Variants in ACOT13 observed in about 807,000 individuals in gnomAD.
ACOT13 encodes the protein acyl-coenzyme A thioesterase 13.
In ACOT13, 10 loss-of-function variants were observed where a neutral mutation model predicts 11.8. That is an observed-to-expected ratio of 0.85 (90% CI 0.53 to 1.44). The LOEUF (loss-of-function observed/expected upper bound fraction) is 1.44, where lower values mean the gene tolerates loss of function less well. Among genes scored for constraint, ACOT13 ranks in the 40% most tolerant of loss-of-function variants. The pLI is 0.00. For missense variants in ACOT13, 172 were observed against 174.1 expected (o/e 0.99, Z 0.07); for synonymous variants, 53 against 61.0 (o/e 0.87, Z 0.61).
At position 24,691,189 on chromosome 6, in the gene ACOT13, T is replaced by C. The variant is rs1283586244; in HGVS notation, c.82-6694T>C. ...TGAAGCCACTAAATATTGGGCATAT[T>C]GTTATAGAATGCTCCTTGTTGACCT... On this transcript the variant is annotated intron_variant, in intron 1 of 2. Coordinates refer to ENST00000230048, the MANE Select transcript of ACOT13 (RefSeq NM_018473.4). 2.0e-5 allele frequency among the ~76,000 whole-genome samples: 3 copies of C among 152,220 alleles called. No homozygotes were observed. The East Asian group carries it at 5.8e-4, about 29-fold the overall frequency.
intron 1 of ACOT13, among the ~76,000 whole-genome samples, chr6:24,695,091 C>T (rs912060200): frequency 1.1e-4 from 16 of 152,070 alleles, no homozygotes; most frequent in Non-Finnish European, 2.1e-4. Context: ...GGTGGATCAC[C>T]TGAGGTCAAG....
chr6:24,674,299 G>C (rs906598449), intron 1 of ACOT13, among the ~76,000 whole-genome samples: 1 of 152,216 alleles, frequency 6.6e-6, no homozygotes, highest in African/African-American at 2.4e-5. Flanking sequence ...CAAGTGATCT[G>C]CATGCCACGG....
intron 1 of ACOT13, among the ~76,000 whole-genome samples, chr6:24,688,002 C>T (rs747337502): frequency 5.3e-5 from 8 of 151,758 alleles, no homozygotes; most frequent in Non-Finnish European, 7.4e-5. Flanking sequence ...TGTGAGCCAC[C>T]GCACCCAGCC....
intron 1 of ACOT13, among the ~76,000 whole-genome samples, chr6:24,686,822 C>T (rs549171353): frequency 1.4e-4 from 21 of 152,232 alleles, no homozygotes; most frequent in African/African-American, 4.8e-4. Flanking sequence ...TTGTCTCAGC[C>T]TCCCATGTAG....
At chr6:24,683,552 A>G (rs1043162394) in intron 1 of ACOT13, among the ~76,000 whole-genome samples, 1 of 151,374 alleles carries the variant, frequency 6.6e-6, no homozygotes, top group South Asian at 2.1e-4. Flanking sequence ...AAAAAAATTA[A>G]GTTTATTTTG....
chr6:24,679,267 T>C (rs1368346206), intron 1 of ACOT13, among the ~76,000 whole-genome samples: 1 of 152,134 alleles, frequency 6.6e-6, no homozygotes, highest in Admixed American at 6.5e-5. Context: ...CTGCTTCTCC[T>C]GATCTGTATT....
chr6:24,695,265 C>T (rs1182212744), intron 1 of ACOT13, among the ~76,000 whole-genome samples: 2 of 152,148 alleles, frequency 1.3e-5, no homozygotes, highest in Non-Finnish European at 2.9e-5. Context: ...GCCGAGATTA[C>T]ACCACTGCAC....
chr6:24,701,330 G>A (rs1778887487), intron 2 of ACOT13, 129 bp from the exon 3 acceptor site: 1 of 749,336 alleles, frequency 1.3e-6, no homozygotes. Context: ...AGTACAGAAA[G>A]CTTACCAATA....
At chr6:24,696,189 C>T (rs77173415) in intron 1 of ACOT13, among the ~76,000 whole-genome samples, 90 of 152,266 alleles carry the variant, frequency 5.9e-4, no homozygotes, top group African/African-American at 2.0e-3. Flanking sequence ...TGTTTTATAT[C>T]GCGTGGTTCT....
In ACOT13 at chr6:24,701,637, AG is replaced by A. The variant is rs1562164270; in HGVS notation, c.*23del. The A allele has an allele frequency of 6.3e-7, 1 of 1,583,650 alleles. No individual in the cohort carries two copies. The highest frequency in any genetic ancestry group is 1.8e-5 in the Admixed American group (1 of 54,630). On this transcript the variant is annotated 3_prime_UTR_variant, in exon 3 of 3. Coordinates refer to ENST00000230048, the MANE Select transcript of ACOT13 (RefSeq NM_018473.4). ...CTGAGAGAACAGCAGAATGACCTAA[AG>A]AAACCCAACAATGAATATCAAGTAT...
chr6:24,689,253 TA>T (rs1006076716), intron 1 of ACOT13, among the ~76,000 whole-genome samples: 4 of 151,980 alleles, frequency 2.6e-5, no homozygotes, highest in South Asian at 2.1e-4. Flanking sequence ...TTTGTGATGG[TA>T]AAAAAAATAT....
Position 24,687,543 on chromosome 6 carries a change from A to T in ACOT13, c.82-10340A>T, listed in dbSNP as rs529359570. ...GAAGGCAAAGTGTAAAGTCATCTTT[A>T]TGGAAATGAGTGATGAAGGTGAATA... On this transcript the variant is annotated intron_variant, in intron 1 of 2. Transcript: ENST00000230048. 201 of 1,406,640 alleles carry T rather than the reference A, an allele frequency of 1.4e-4. No homozygotes were observed. In the African/African-American group the frequency reaches 1.6e-3, roughly 11 times the overall value. 87.1% of individuals were successfully genotyped at this position (1,406,640 alleles called of 1,614,324 possible). A position where few individuals can be genotyped will look rare whatever the true frequency, so the allele number is the denominator to read the frequency against.
intron 1 of ACOT13, among the ~76,000 whole-genome samples, chr6:24,690,019 A>C (rs1489038449): frequency 6.6e-6 from 1 of 152,230 alleles, no homozygotes; most frequent in Admixed American, 6.5e-5. Flanking sequence ...CTACTGCTGA[A>C]TTAAAAACAG....
intron 2 of ACOT13, among the ~76,000 whole-genome samples, chr6:24,699,458 C>T (rs1778858081): frequency 6.6e-6 from 1 of 152,324 alleles, no homozygotes; most frequent in African/African-American, 2.4e-5. Flanking sequence ...GATCTGCCCG[C>T]CTTGGCCTCC....
At chr6:24,670,433 C>T (rs946030534) in intron 1 of ACOT13, among the ~76,000 whole-genome samples, 2 of 152,190 alleles carry the variant, frequency 1.3e-5, no homozygotes, top group African/African-American at 4.8e-5. Context: ...ATATCAGAAA[C>T]CCTGTACAGG....
intron 1 of ACOT13, among the ~76,000 whole-genome samples, chr6:24,694,603 G>C (rs1778766869): frequency 2.0e-5 from 3 of 151,998 alleles, no homozygotes; most frequent in Admixed American, 2.0e-4. Flanking sequence ...TTTTTCACAA[G>C]GTTCTCTCCC....
rs1468519869 is a variant in ACOT13, at chr6:24,703,424, C to G, written c.*1809C>G. The G allele has an allele frequency of 2.6e-5, 4 of 152,236 alleles. No homozygotes were observed. Among genetic ancestry groups the G allele is most frequent in the Non-Finnish European group, 5.9e-5 (4 of 68,028 alleles). 9.4% of individuals were successfully genotyped at this position (152,236 alleles called of 1,614,324 possible). ...TTTCCCACTAAAAGGAAGCTGGGCT[C>G]CTTGGAGAAACAGCTGACTCCAGGG... On this transcript the variant is annotated 3_prime_UTR_variant, in exon 3 of 3. Transcript: ENST00000230048.
At position 24,701,735 on chromosome 6, in the gene ACOT13, A is replaced by T. The variant is rs1328092995; in HGVS notation, c.*120A>T. The stretch of plus-strand genomic sequence containing the variant: ...CAGAAGCAGCTAGAAATATTCTTGG[A>T]GGAAAAGGACCTGGATATCAAGTAG... On this transcript the variant is annotated 3_prime_UTR_variant, in exon 3 of 3. Transcript: ENST00000230048. 6 of 1,093,048 alleles carry T rather than the reference A, an allele frequency of 5.5e-6. No individual in the cohort carries two copies. Among genetic ancestry groups the T allele is most frequent in the Non-Finnish European group, 6.3e-6 (5 of 789,256 alleles). 67.7% of individuals were successfully genotyped at this position (1,093,048 alleles called of 1,614,324 possible).
chr6:24,667,151 A>T lies in ACOT13; in HGVS notation c.-113A>T. 1 of 1,131,356 alleles carries T rather than the reference A, an allele frequency of 8.8e-7. No individual in the cohort carries two copies. The highest frequency in any genetic ancestry group is 1.3e-6 in the Non-Finnish European group (1 of 782,782). 70.1% of individuals were successfully genotyped at this position (1,131,356 alleles called of 1,614,324 possible). ...CCTCTTGCGCTCCTAGGGGCGGAGA[A>T]GGGTGCGGGCTCTTCGCCCTTTGTG... On this transcript the variant is annotated 5_prime_UTR_variant, in exon 1 of 3. It adds an upstream start codon to the 5' untranslated region. Transcript: ENST00000230048.
Sources: allele counts gnomAD v4.1 joint callset (sites outside exome capture counted in the v4.1 genomes callset), GRCh38; gene constraint gnomAD v4.1.1; transcripts MANE v1.5; gene names NCBI Gene and HGNC (gene_info 2026-07-23, HGNC 2026-07-21).